The following CDK19 variants were observed in gnomAD, a reference collection of about 807,000 sequenced individuals.
CDK19 encodes the protein cyclin-dependent kinase 19.
A neutral mutation model predicts 68.3 loss-of-function variants in CDK19; 20 were observed. The observed-to-expected ratio is 0.29, with a 90% CI of 0.21 to 0.43. The LOEUF (loss-of-function observed/expected upper bound fraction) is 0.43. Ranked by LOEUF, CDK19 falls within the 20% of genes least tolerant of loss-of-function variation. CDK19 has a pLI of 1.00. For missense variants in CDK19, 339 were observed against 623.5 expected (o/e 0.54, Z 4.86); for synonymous variants, 221 against 222.8 (o/e 0.99, Z 0.07).
At chr6:110,622,684 C>A in intron 10 of CDK19, 131 bp downstream of exon 10, 2 of 635,460 alleles carry the variant, frequency 3.1e-6, no homozygotes, top group Non-Finnish European at 5.7e-6. Context: ...TGGAAGCTTG[C>A]TCTTGAGCAG....
intron 2 of CDK19, among the ~76,000 whole-genome samples, chr6:110,737,519 A>T (rs1043644596): frequency 6.6e-6 from 1 of 152,210 alleles, no homozygotes; most frequent in Non-Finnish European, 1.5e-5. Flanking sequence ...CTCATGACTT[A>T]ACAGGCATAG....
chr6:110,621,442 C>T lies in CDK19; in HGVS notation c.1111-72G>A. The T allele has an allele frequency of 6.8e-7, 1 of 1,478,530 alleles. No homozygotes were observed. The highest frequency in any genetic ancestry group is 1.4e-5 in the South Asian group (1 of 73,588). 91.6% of individuals were successfully genotyped at this position (1,478,530 alleles called of 1,614,324 possible). On this transcript the variant is annotated intron_variant, in intron 11 of 12. Coordinates refer to ENST00000368911, the MANE Select transcript of CDK19 (RefSeq NM_015076.5). The surrounding 1 kb of genome is among the most constrained non-coding windows in gnomAD (Gnocchi z 5.4). The stretch of plus-strand genomic sequence containing the variant: ...GAGCTTTCTTTAATTATTTGATATG[C>T]ACATGTGGCTGCTGACCAACCTGGG...
At chr6:110,676,185 TGTG>T (rs1461387373) in intron 2 of CDK19, among the ~76,000 whole-genome samples, 7 of 152,160 alleles carry the variant, frequency 4.6e-5, no homozygotes, top group Non-Finnish European at 8.8e-5. Context: ...GTAAATGAGA[TGTG>T]GTAGCAATAA....
chr6:110,643,045 G>A, intron 4 of CDK19: 1 of 375,230 alleles, frequency 2.7e-6, no homozygotes, highest in Non-Finnish European at 4.7e-6. Context: ...ATGCACTTCA[G>A]CAAGGACACT....
intron 12 of CDK19, 27 bp from the exon 13 acceptor site, chr6:110,614,693 A>AT: frequency 4.3e-6 from 7 of 1,612,582 alleles, no homozygotes; most frequent in African/African-American, 1.3e-5. Context: ...GGAAAAGGGA[A>AT]TTACTGATGG....
At chr6:110,655,082 G>A (rs933073881) in intron 4 of CDK19, among the ~76,000 whole-genome samples, 15 of 151,824 alleles carry the variant, frequency 9.9e-5, no homozygotes, top group Non-Finnish European at 1.5e-4. Context: ...AAAAATCCTC[G>A]ATAGGCCGGG....
At chr6:110,676,108 A>T (rs1242693661) in intron 2 of CDK19, among the ~76,000 whole-genome samples, 1 of 152,210 alleles carries the variant, frequency 6.6e-6, no homozygotes, top group African/African-American at 2.4e-5. Flanking sequence ...CATTAACAGG[A>T]ATGTGGAAAA....
chr6:110,620,037 T>C (rs1229747232), intron 12 of CDK19, among the ~76,000 whole-genome samples: 1 of 152,214 alleles, frequency 6.6e-6, no homozygotes, highest in East Asian at 1.9e-4. Context: ...ATGCTCATGC[T>C]ACTACCCAGC....
intron 4 of CDK19, among the ~76,000 whole-genome samples, chr6:110,657,604 G>A (rs1781382242): frequency 6.6e-6 from 1 of 152,170 alleles, no homozygotes; most frequent in African/African-American, 2.4e-5. Flanking sequence ...AAGTACTGGG[G>A]CTCTGTCTGT....
intron 1 of CDK19, among the ~76,000 whole-genome samples, chr6:110,776,354 G>C (rs802666): frequency 0.16 from 23,694 of 151,838 alleles, 2,066 homozygotes; most frequent in East Asian, 0.32. Context: ...GCTTGAACCT[G>C]GGAGGTGGAG....
At chr6:110,677,390 C>T (rs561835515) in intron 2 of CDK19, among the ~76,000 whole-genome samples, 7 of 151,892 alleles carry the variant, frequency 4.6e-5, no homozygotes, top group East Asian at 3.9e-4. Flanking sequence ...GGTGAAACCC[C>T]GTCTCTATTA....
At chr6:110,719,989 C>A (rs1289584734) in intron 2 of CDK19, among the ~76,000 whole-genome samples, 3 of 122,208 alleles carry the variant, frequency 2.5e-5, no homozygotes, top group Non-Finnish European at 3.5e-5. Flanking sequence ...CCCCCCCACC[C>A]CCCCCCTGCT....
intron 5 of CDK19, among the ~76,000 whole-genome samples, chr6:110,634,775 A>G (rs1372378859): frequency 6.6e-6 from 1 of 152,234 alleles, no homozygotes; most frequent in Non-Finnish European, 1.5e-5. Flanking sequence ...GTTGTTGATG[A>G]CAAAGTAATA....
chr6:110,791,165 C>T (rs1184892788), intron 1 of CDK19, among the ~76,000 whole-genome samples: 4 of 142,464 alleles, frequency 2.8e-5, no homozygotes, highest in South Asian at 4.7e-4. Flanking sequence ...AGTGAGACTC[C>T]GTCTCAAAAA....
intron 4 of CDK19, among the ~76,000 whole-genome samples, chr6:110,666,783 A>T (rs1781969410): frequency 6.6e-6 from 1 of 152,232 alleles, no homozygotes; most frequent in South Asian, 2.1e-4. Context: ...GCTATTCCAT[A>T]ACCATATCTT....
chr6:110,643,896 G>A (rs908385029), intron 4 of CDK19, among the ~76,000 whole-genome samples: 1 of 151,924 alleles, frequency 6.6e-6, no homozygotes, highest in Non-Finnish European at 1.5e-5. Flanking sequence ...GGGCAACATA[G>A]TGAGACCCCA....
intron 2 of CDK19, among the ~76,000 whole-genome samples, chr6:110,693,294 A>G (rs1307645843): frequency 1.3e-5 from 2 of 152,234 alleles, no homozygotes; most frequent in East Asian, 3.8e-4. Flanking sequence ...TCTGCCTCCA[A>G]ACACATATCC....
intron 2 of CDK19, among the ~76,000 whole-genome samples, chr6:110,739,544 C>T (rs888438218): frequency 1.3e-5 from 2 of 152,134 alleles, no homozygotes; most frequent in African/African-American, 4.8e-5. Context: ...CCTAATTTTC[C>T]CTTCAGCCAC....
chr6:110,762,238 A>G, intron 1 of CDK19, among the ~76,000 whole-genome samples: 1 of 152,212 alleles, frequency 6.6e-6, no homozygotes. Context: ...ATCACAAAAT[A>G]TTCACTGTTT....
Sources: gnomAD v4.1 joint callset for allele counts (sites outside exome capture counted in the v4.1 genomes callset) on GRCh38, gnomAD v4.1.1 for gene constraint, Gnocchi (gnomAD v3.1) non-coding constraint, MANE v1.5 for transcripts, NCBI Gene and HGNC (gene_info 2026-07-23, HGNC 2026-07-21) for gene names.